The following TMCC1 variants were observed in gnomAD, a reference collection of about 807,000 sequenced individuals.
The protein encoded by TMCC1 is transmembrane and coiled-coil domain family 1.
TMCC1 carries 15 observed loss-of-function variants against 52.4 expected under a neutral mutation model. The observed-to-expected ratio is 0.29, with a 90% CI of 0.19 to 0.44. The LOEUF (loss-of-function observed/expected upper bound fraction) is 0.44, where lower values mean the gene tolerates loss of function less well. TMCC1 is among the 20% of genes least tolerant of loss of function. The pLI, the probability that TMCC1 is intolerant of heterozygous loss-of-function variation, is 1.00. For missense variants in TMCC1, 503 were observed against 806.0 expected (o/e 0.62, Z 4.55); for synonymous variants, 279 against 301.9 (o/e 0.92, Z 0.79).
At chr3:129,759,709 A>ATTTTTTTTTTTTTTTTTTTTTTTTTTT (rs1560350161) in intron 4 of TMCC1, among the ~76,000 whole-genome samples, 1 of 98,358 alleles carries the variant, frequency 1.0e-5, no homozygotes, top group African/African-American at 3.9e-5. Flanking sequence ...AGCCAGCCAA[A>ATTTTTTTTTTTTTTTTTTTTTTTTTTT]CTTTTTTTTT....
At chr3:129,752,281 T>C (rs1255677340) in intron 4 of TMCC1, among the ~76,000 whole-genome samples, 1 of 152,202 alleles carries the variant, frequency 6.6e-6, no homozygotes, top group Non-Finnish European at 1.5e-5. Flanking sequence ...TCACTCATGA[T>C]ATTAACATCC....
chr3:129,876,725 C>T (rs1057155091), intron 2 of TMCC1, among the ~76,000 whole-genome samples: 4 of 152,160 alleles, frequency 2.6e-5, no homozygotes, highest in South Asian at 2.1e-4. Context: ...GAGGCTGAGG[C>T]GGGAGGATCA....
intron 1 of TMCC1, among the ~76,000 whole-genome samples, chr3:129,887,651 T>G (rs1478003228): frequency 6.6e-6 from 1 of 151,246 alleles, no homozygotes; most frequent in African/African-American, 2.4e-5. Flanking sequence ...AAAAGACCAC[T>G]CAAAAACACT....
At chr3:129,701,220 TAATC>T (rs1441987163) in intron 4 of TMCC1, among the ~76,000 whole-genome samples, 6 of 152,204 alleles carry the variant, frequency 3.9e-5, no homozygotes, top group Non-Finnish European at 2.9e-5. Context: ...ATAAATCTAA[TAATC>T]AATTAACATC....
At chr3:129,832,861 A>C (rs1179678193) in intron 2 of TMCC1, 35 bp from the exon 3 acceptor site, 5 of 152,230 alleles carry the variant, frequency 3.3e-5, no homozygotes, top group East Asian at 3.8e-4. Flanking sequence ...CAAGGTGAGA[A>C]ACTTAGATGG....
Position 129,805,838 on chromosome 3 carries a change from G to T in TMCC1, c.576+21965C>A, listed in dbSNP as rs554752572. Among the ~76,000 whole-genome samples, 66 of 152,000 alleles carry T rather than the reference G, an allele frequency of 4.3e-4. 2 individuals are homozygous for T. The South Asian group carries it at 9.6e-3, about 22-fold the overall frequency. ...AGTCCCAGCCATTTGGGAGGCTGAG[G>T]TGAGAACTGCTTGAGCCCAGGAGTT... On this transcript the variant is annotated intron_variant, in intron 4 of 6. Coordinates refer to ENST00000393238, the MANE Select transcript of TMCC1 (RefSeq NM_001017395.5).
At chr3:129,776,087 GAC>G (rs925657905) in intron 4 of TMCC1, among the ~76,000 whole-genome samples, 2 of 152,124 alleles carry the variant, frequency 1.3e-5, no homozygotes, top group Non-Finnish European at 2.9e-5. Context: ...TCTCTCCCAA[GAC>G]ACACAGTCTT....
At chr3:129,673,829 G>GA (rs58816036) in intron 4 of TMCC1, among the ~76,000 whole-genome samples, 7,192 of 146,986 alleles carry the variant, frequency 0.049, 559 homozygotes, top group African/African-American at 0.17. Flanking sequence ...TCTCTAAAAT[G>GA]AAAAAAAAAA....
chr3:129,759,527 C>T (rs1175552915), intron 4 of TMCC1, among the ~76,000 whole-genome samples: 5 of 151,074 alleles, frequency 3.3e-5, no homozygotes, highest in Non-Finnish European at 7.4e-5. Flanking sequence ...CTGAGCCTCC[C>T]CAAGTACTAG....
In TMCC1 at chr3:129,838,555, C is replaced by A. The variant is rs1182363346; in HGVS notation, c.-183-5729G>T. ...AGATCACAAGGTCAGGAGTTTGAGA[C>A]CAGCCTGACCAACAGGGTGAAACCC... On this transcript the variant is annotated intron_variant, in intron 2 of 6. Transcript: ENST00000393238. 2.0e-5 allele frequency among the ~76,000 whole-genome samples: 3 copies of A among 151,940 alleles called. No homozygotes were observed. The East Asian group carries it at 5.8e-4, about 29-fold the overall frequency.
At chr3:129,867,157 A>C (rs2060691670) in intron 2 of TMCC1, 1 of 152,108 alleles carries the variant, frequency 6.6e-6, no homozygotes, top group Admixed American at 6.6e-5. Flanking sequence ...TCTACCTCTC[A>C]AAGTCCACTC....
chr3:129,869,361 A>G (rs2060808054), intron 2 of TMCC1, among the ~76,000 whole-genome samples: 1 of 152,146 alleles, frequency 6.6e-6, no homozygotes, highest in Non-Finnish European at 1.5e-5. Context: ...TGTACCCTTT[A>G]TAATAAATTG....
chr3:129,774,515 G>C (rs1019500731), intron 4 of TMCC1, among the ~76,000 whole-genome samples: 5 of 152,164 alleles, frequency 3.3e-5, no homozygotes, highest in Admixed American at 2.6e-4. Context: ...TTTCAGTCTA[G>C]TGGAAAACAG....
intron 4 of TMCC1, among the ~76,000 whole-genome samples, chr3:129,707,864 G>A (rs1378957793): frequency 1.3e-5 from 2 of 150,944 alleles, no homozygotes; most frequent in African/African-American, 4.9e-5. Context: ...CCCAGGAGAC[G>A]GAGGTTGCAG....
intron 4 of TMCC1, among the ~76,000 whole-genome samples, chr3:129,699,868 A>C (rs2047686935): frequency 6.6e-6 from 1 of 152,168 alleles, no homozygotes; most frequent in Non-Finnish European, 1.5e-5. Context: ...CAGGAGGTTG[A>C]GACTGCAACT....
intron 2 of TMCC1, among the ~76,000 whole-genome samples, chr3:129,860,392 A>G (rs1391482882): frequency 1.3e-5 from 2 of 152,030 alleles, no homozygotes; most frequent in Admixed American, 6.6e-5. Flanking sequence ...TTTGTCCACA[A>G]TATATTATGA....
At chr3:129,729,324 T>A (rs2050360227) in intron 4 of TMCC1, among the ~76,000 whole-genome samples, 1 of 152,338 alleles carries the variant, frequency 6.6e-6, no homozygotes, top group East Asian at 1.9e-4. Flanking sequence ...GCTAAATATC[T>A]TTTTATGTAT....
intron 5 of TMCC1, among the ~76,000 whole-genome samples, chr3:129,663,406 A>G (rs1320501014): frequency 6.6e-6 from 1 of 152,248 alleles, no homozygotes; most frequent in Non-Finnish European, 1.5e-5. Flanking sequence ...TGCATACCAG[A>G]GACCCAAAAT....
At chr3:129,763,453 G>A (rs1178765733) in intron 4 of TMCC1, among the ~76,000 whole-genome samples, 7 of 147,118 alleles carry the variant, frequency 4.8e-5, no homozygotes, top group African/African-American at 1.7e-4. Context: ...GGCTGAGGTG[G>A]GAGAATCGCC....
Sources: gnomAD v4.1 joint callset for allele counts (sites outside exome capture counted in the v4.1 genomes callset) on GRCh38, gnomAD v4.1.1 for gene constraint, MANE v1.5 for transcripts, NCBI Gene and HGNC (gene_info 2026-07-23, HGNC 2026-07-21) for gene names.